The following CCDC171 variants were observed in gnomAD, a reference collection of about 807,000 sequenced individuals.
CCDC171 encodes coiled-coil domain-containing protein 171.
A neutral mutation model predicts 168.2 loss-of-function variants in CCDC171; 177 were observed. The observed-to-expected ratio is 1.05, with a 90% confidence interval of 0.93 to 1.19. The LOEUF (loss-of-function observed/expected upper bound fraction) is 1.19. Ranked by LOEUF, CCDC171 falls within the 50% of genes most tolerant of loss-of-function variation. CCDC171 has a pLI of 0.00. For synonymous variants in CCDC171, 687 were observed against 540.8 expected, an observed-to-expected ratio of 1.27 and a Z score of -3.75; for missense variants, 1,991 against 1,539.0, an observed-to-expected ratio of 1.29 and a Z score of -4.91.
At chr9:15,654,142 C>A (rs1289020529) in intron 7 of CCDC171, among the ~76,000 whole-genome samples, 2 of 151,146 alleles carry the variant, frequency 1.3e-5, no homozygotes, top group African/African-American at 2.4e-5. Context: ...TTATTTTATC[C>A]TTTGGATTTA....
intron 16 of CCDC171, among the ~76,000 whole-genome samples, chr9:15,734,361 AC>A (rs1490561611): frequency 1.3e-5 from 2 of 151,960 alleles, no homozygotes; most frequent in African/African-American, 4.8e-5. Context: ...ACATGGAGAA[AC>A]CCCGTTTCTA....
At chr9:16,073,333 A>C in the CCDC171 span, among the ~76,000 whole-genome samples, 1 of 152,182 alleles carries the variant, frequency 6.6e-6, no homozygotes, top group Non-Finnish European at 1.5e-5. Flanking sequence ...TTTTATTCAT[A>C]TTATTCTGTC....
At chr9:15,907,419 A>G (rs1349135453) in intron 24 of CCDC171, among the ~76,000 whole-genome samples, 3 of 152,358 alleles carry the variant, frequency 2.0e-5, no homozygotes, top group Admixed American at 2.0e-4. Context: ...ACGATTCCCT[A>G]TTTAATAAAT....
At chr9:16,092,808 G>C in the CCDC171 span, among the ~76,000 whole-genome samples, 1 of 152,182 alleles carries the variant, frequency 6.6e-6, no homozygotes, top group Non-Finnish European at 1.5e-5. Context: ...TCCATGGACT[G>C]TCACGCTGGC....
At chr9:15,575,435 A>C (rs1033934395) in intron 3 of CCDC171, among the ~76,000 whole-genome samples, 1 of 152,084 alleles carries the variant, frequency 6.6e-6, no homozygotes. Context: ...TGGCCTCCCA[A>C]AGTGCTGGGA....
rs201523608 is a variant in CCDC171, at chr9:15,599,113, G to C, written c.675+4941G>C. ...TTGACTCTTTATCCAATTTGCCAGT[G>C]TGTGTCTTTTAATTGGAGCATTTAG... On this transcript the variant is annotated intron_variant, in intron 6 of 25. Transcript: ENST00000380701. 7.9e-5 allele frequency among the ~76,000 whole-genome samples: 12 copies of C among 152,238 alleles called. No individual in the cohort carries two copies. The East Asian group carries it at 9.7e-4, about 12-fold the overall frequency.
the CCDC171 span, among the ~76,000 whole-genome samples, chr9:16,102,498 C>CGT: frequency 5.8e-5 from 1 of 17,188 alleles, no homozygotes; most frequent in African/African-American, 1.9e-4. Flanking sequence ...TGGGGGGGGG[C>CGT]GGGGGTGGGG....
chr9:15,966,785 G>A lies in CCDC171; in HGVS notation c.3754-4824G>A, dbSNP rs775607761. Among the ~76,000 whole-genome samples, 15 of 152,242 alleles carry A rather than the reference G, an allele frequency of 9.9e-5. No homozygotes were observed. The South Asian group carries it at 1.4e-3, about 15-fold the overall frequency. On this transcript the variant is annotated intron_variant, in intron 25 of 25. Transcript: ENST00000380701. ...AAGGTTTAATGACTTACAGGGAGAA[G>A]AATGCATAAAATATTCCTACCAGCT... is the stretch of plus-strand genomic sequence containing the variant.
chr9:16,070,490 T>G, the CCDC171 span, among the ~76,000 whole-genome samples: 1 of 152,250 alleles, frequency 6.6e-6, no homozygotes, highest in South Asian at 2.1e-4. Context: ...TGGTTGGGCC[T>G]GGGGGCCCAG....
rs780642082 is a variant in CCDC171 at position 15,666,288 on chromosome 9, G to A, written c.1041G>A (p.Lys347=). ...KEVESAYERE[K]HNAQESFAKL... is the part of the protein sequence containing the mutation. ...TTGAAAGTGCATATGAGCGAGAAAA[G>A]CATAATGCACAAGAGAGCTTTGCAA... The change falls in exon 9 of 26, where the codon AAG becomes AAA. Residue 347 remains lysine (K), a synonymous_variant. Coordinates refer to ENST00000380701, the MANE Select transcript of CCDC171 (RefSeq NM_173550.4). 2 of 1,613,370 alleles carry A rather than the reference G, an allele frequency of 1.2e-6. No homozygotes were observed. The highest frequency in any genetic ancestry group is 1.7e-6 in the Non-Finnish European group (2 of 1,179,548).
chr9:15,750,923 G>A (rs573499863), intron 18 of CCDC171, among the ~76,000 whole-genome samples: 1 of 152,192 alleles, frequency 6.6e-6, no homozygotes, highest in South Asian at 2.1e-4. Context: ...TGGAAGTTCT[G>A]GCCAGGACAA....
At chr9:15,870,383 T>C (rs548695638) in intron 23 of CCDC171, among the ~76,000 whole-genome samples, 29 of 151,984 alleles carry the variant, frequency 1.9e-4, no homozygotes, top group Admixed American at 9.2e-4. Context: ...AGAAATATTA[T>C]AGAGGTCTGT....
Position 16,032,677 on chromosome 9 carries a change from G to A in CCDC171, n.999-2780G>A, listed in dbSNP as rs576577540. Among the ~76,000 whole-genome samples, 3 of 152,278 alleles carry A rather than the reference G, an allele frequency of 2.0e-5. 1 individual carries two copies. The highest frequency in any genetic ancestry group is 2.0e-4 in the Admixed American group (3 of 15,298). On this transcript the variant is annotated intron_variant and non_coding_transcript_variant, in intron 6 of 9. Coordinates refer to the CCDC171 transcript ENST00000486641. ...CTATTGCCCAGGCTGGAGTACAGTG[G>A]CACGATCATAGCTCATAGCAGCCTC...
intron 4 of CCDC171, among the ~76,000 whole-genome samples, chr9:15,580,999 T>C (rs1182968665): frequency 6.6e-6 from 1 of 152,214 alleles, no homozygotes; most frequent in Non-Finnish European, 1.5e-5. Context: ...TTGTCTCTGT[T>C]TGCAGATGAC....
rs138935287 is a variant in CCDC171, at chr9:15,785,814, T to C, written c.3267+1120T>C. Among the ~76,000 whole-genome samples the C allele has an allele frequency of 4.2e-3, 632 of 152,218 alleles. 2 individuals carry two copies. The Middle Eastern group carries it at 0.048, about 11-fold the overall frequency. The stretch of plus-strand genomic sequence containing the variant: ...GATTGACAGCATGCATTTGCCAGGC[T>C]CTGTGTTACTGTCTCTACATGAATT... On this transcript the variant is annotated intron_variant, in intron 21 of 25. Transcript: ENST00000380701.
intron 3 of CCDC171, among the ~76,000 whole-genome samples, chr9:16,004,772 T>C (rs1467107423): frequency 6.6e-6 from 1 of 152,162 alleles, no homozygotes; most frequent in African/African-American, 2.4e-5. Flanking sequence ...TACTAGAGAA[T>C]TGGTATTTCT....
intron 25 of CCDC171, among the ~76,000 whole-genome samples, chr9:15,939,739 T>C (rs542694457): frequency 6.2e-4 from 94 of 151,990 alleles, no homozygotes; most frequent in African/African-American, 2.1e-3. Context: ...TAAGATTTCA[T>C]GTAATAAATG....
chr9:15,832,896 T>C (rs925795606), intron 21 of CCDC171, among the ~76,000 whole-genome samples: 4 of 151,924 alleles, frequency 2.6e-5, no homozygotes, highest in African/African-American at 4.8e-5. Context: ...AAGTAAGACA[T>C]GAATACGCGT....
At chr9:16,042,918 C>T (rs1833596027) in intron 1 of CCDC171, 1 of 152,188 alleles carries the variant, frequency 6.6e-6, no homozygotes, top group Non-Finnish European at 1.5e-5. Context: ...AAGGCGGCCA[C>T]TGGTAGGTGC....
Sources: gnomAD v4.1 joint callset for allele counts (sites outside exome capture counted in the v4.1 genomes callset) on GRCh38, gnomAD v4.1.1 for gene constraint, MANE v1.5 for transcripts, NCBI Gene and HGNC (gene_info 2026-07-23, HGNC 2026-07-21) for gene names.